The following GATAD2B variants were observed in gnomAD, a reference collection of about 807,000 sequenced individuals.
The protein encoded by GATAD2B is transcriptional repressor p66-beta.
GATAD2B carries 8 observed loss-of-function variants against 64.3 expected under a neutral mutation model. The ratio of observed to expected loss-of-function variants is 0.12; its 90% CI spans 0.07 to 0.22. The LOEUF (loss-of-function observed/expected upper bound fraction) is 0.22, where lower values mean the gene tolerates loss of function less well. GATAD2B is among the 10% of genes least tolerant of loss of function. GATAD2B has a pLI of 1.00. For synonymous variants in GATAD2B, 281 were observed against 271.3 expected (o/e 1.04, Z -0.35); for missense variants, 453 against 752.0 (o/e 0.60, Z 4.65).
chr1:153,839,730 G>A (rs1402225890), intron 1 of GATAD2B, among the ~76,000 whole-genome samples: 4 of 152,138 alleles, frequency 2.6e-5, no homozygotes, highest in East Asian at 1.9e-4. Flanking sequence ...AGCATTTTGG[G>A]AGGCCAAAGC....
At position 153,817,615 on chromosome 1, in the gene GATAD2B, G is replaced by C. The variant is rs1201911928; in HGVS notation, c.730-73C>G. 10 of 1,047,846 alleles carry C rather than the reference G, an allele frequency of 9.5e-6. No homozygotes were observed. The Admixed American group carries it at 3.0e-4, about 31-fold the overall frequency. 64.9% of individuals were successfully genotyped at this position (1,047,846 alleles called of 1,614,324 possible). On this transcript the variant is annotated intron_variant, in intron 5 of 10. Transcript: ENST00000368655. ...GTATAATACAGCACAAAATGCAAAA[G>C]GGAAAACACTGCCTATAATACATAG...
intron 1 of GATAD2B, among the ~76,000 whole-genome samples, chr1:153,862,906 T>C (rs1309378361): frequency 6.6e-6 from 1 of 151,612 alleles, no homozygotes; most frequent in Non-Finnish European, 1.5e-5. Flanking sequence ...GTATTTTTAG[T>C]AGAGACAGGG....
intron 8 of GATAD2B, among the ~76,000 whole-genome samples, chr1:153,812,626 A>T (rs1674333222): frequency 1.3e-5 from 2 of 151,662 alleles, no homozygotes. Flanking sequence ...TTATTTATTT[A>T]TTTTTTACCA....
Position 153,816,228 on chromosome 1 carries a change from G to C in GATAD2B, c.1216+45C>G, listed in dbSNP as rs747251617. 3 of 1,307,326 alleles carry C rather than the reference G, an allele frequency of 2.3e-6. No individual in the cohort carries two copies. Among genetic ancestry groups the C allele is most frequent in the Non-Finnish European group, 2.2e-6 (2 of 908,820 alleles). The allele number at this position is 1,307,326 out of a possible 1,614,324, so 81.0% of individuals were successfully genotyped here. Reference sequence around the variant, plus strand: ...TACTCTGCCTATGTCAATCAGGCTTGGCAACCACTTGCTTAAATAGATTGA... The same window carrying C: ...TACTCTGCCTATGTCAATCAGGCTTCGCAACCACTTGCTTAAATAGATTGA... On this transcript the variant is annotated intron_variant, in intron 7 of 10. Coordinates refer to ENST00000368655, the MANE Select transcript of GATAD2B (RefSeq NM_020699.4). This position sits in a 1 kb window ranked among gnomAD's most constrained non-coding sequence, Gnocchi z 4.9.
chr1:153,897,778 A>T (rs188410996), intron 1 of GATAD2B, among the ~76,000 whole-genome samples: 8 of 152,252 alleles, frequency 5.3e-5, no homozygotes, highest in South Asian at 2.1e-4. Flanking sequence ...CAATATATTT[A>T]AAAAAATTTT....
chr1:153,847,714 T>C (rs1420331811), intron 1 of GATAD2B, among the ~76,000 whole-genome samples: 1 of 152,226 alleles, frequency 6.6e-6, no homozygotes, highest in Non-Finnish European at 1.5e-5. Context: ...TACTCTCCAT[T>C]TTCTCTACCC....
At chr1:153,847,437 C>T (rs1047878625) in intron 1 of GATAD2B, among the ~76,000 whole-genome samples, 2 of 152,084 alleles carry the variant, frequency 1.3e-5, no homozygotes, top group African/African-American at 2.4e-5. Context: ...CAGCCTGAAG[C>T]GCACTGGTAA....
At chr1:153,848,370 T>C (rs1675762018) in intron 1 of GATAD2B, among the ~76,000 whole-genome samples, 1 of 152,218 alleles carries the variant, frequency 6.6e-6, no homozygotes, top group Non-Finnish European at 1.5e-5. Context: ...CCTTATCTTA[T>C]TTGAACTTTC....
chr1:153,910,072 G>A (rs1050869116), intron 1 of GATAD2B, among the ~76,000 whole-genome samples: 6 of 151,918 alleles, frequency 3.9e-5, no homozygotes, highest in Admixed American at 3.9e-4. Context: ...CCAAGAATGC[G>A]CCACTGTACT....
chr1:153,868,113 A>C (rs1676540359), intron 1 of GATAD2B, among the ~76,000 whole-genome samples: 1 of 152,078 alleles, frequency 6.6e-6, no homozygotes, highest in African/African-American at 2.4e-5. Flanking sequence ...AGGCAGAAGA[A>C]CTGCTCGAAC....
At chr1:153,825,994 T>C (rs1162076148) in intron 2 of GATAD2B, among the ~76,000 whole-genome samples, 1 of 142,006 alleles carries the variant, frequency 7.0e-6, no homozygotes, top group Non-Finnish European at 1.5e-5. Flanking sequence ...TTCTGAACTA[T>C]TTATAAACTG....
At chr1:153,814,128 C>T (rs1462286849) in intron 7 of GATAD2B, among the ~76,000 whole-genome samples, 14 of 152,200 alleles carry the variant, frequency 9.2e-5, no homozygotes, top group Admixed American at 9.2e-4. Context: ...CTTAATATCT[C>T]CTTACCAAAG....
intron 1 of GATAD2B, among the ~76,000 whole-genome samples, chr1:153,905,978 A>T (rs1341622488): frequency 6.6e-6 from 1 of 150,842 alleles, no homozygotes; most frequent in East Asian, 1.9e-4. Context: ...GAGACAGGAG[A>T]ATCGCTTGAA....
intron 1 of GATAD2B, among the ~76,000 whole-genome samples, chr1:153,874,831 C>T (rs949769134): frequency 6.6e-6 from 1 of 151,850 alleles, no homozygotes; most frequent in Admixed American, 6.6e-5. Flanking sequence ...CTCGCCTTGG[C>T]CCCCCAAAGT....
At chr1:153,876,763 GA>G (rs1383401963) in intron 1 of GATAD2B, among the ~76,000 whole-genome samples, 2 of 152,218 alleles carry the variant, frequency 1.3e-5, no homozygotes, top group Admixed American at 6.6e-5. Flanking sequence ...AATACTTTGG[GA>G]GGCCAAGGCG....
chr1:153,864,224 G>C (rs1274069370), intron 1 of GATAD2B, among the ~76,000 whole-genome samples: 2 of 152,158 alleles, frequency 1.3e-5, no homozygotes, highest in Admixed American at 1.3e-4. Flanking sequence ...CACTCCAAAA[G>C]GAAGACAAGT....
intron 2 of GATAD2B, among the ~76,000 whole-genome samples, chr1:153,821,280 A>C (rs532182630): frequency 2.6e-4 from 39 of 152,128 alleles, no homozygotes; most frequent in African/African-American, 8.7e-4. Flanking sequence ...CACCATGCCC[A>C]GCCAGGACAT....
chr1:153,904,967 G>A (rs1224446448), intron 1 of GATAD2B, among the ~76,000 whole-genome samples: 1 of 150,896 alleles, frequency 6.6e-6, no homozygotes, highest in Non-Finnish European at 1.5e-5. Context: ...TTGGCCTCCC[G>A]AAGTGCTGGG....
At chr1:153,874,425 G>A (rs929453164) in intron 1 of GATAD2B, among the ~76,000 whole-genome samples, 2 of 151,980 alleles carry the variant, frequency 1.3e-5, no homozygotes, top group Admixed American at 1.3e-4. Context: ...AACTTCAAAC[G>A]GTACTTTCCT....
Sources: allele counts gnomAD v4.1 joint callset (sites outside exome capture counted in the v4.1 genomes callset), GRCh38; gene constraint gnomAD v4.1.1; non-coding constraint Gnocchi (gnomAD v3.1); transcripts MANE v1.5; gene names NCBI Gene and HGNC (gene_info 2026-07-23, HGNC 2026-07-21).